The following AGBL1 variants were observed in gnomAD, a reference collection of about 807,000 sequenced individuals.
The protein encoded by AGBL1 is cytosolic carboxypeptidase 4.
In AGBL1, 130 loss-of-function variants were observed where a neutral mutation model predicts 118.9. That is an observed-to-expected ratio of 1.09 (90% CI 0.95 to 1.26). The LOEUF is 1.26. Among genes scored for constraint, AGBL1 ranks in the 50% most tolerant of loss-of-function variants. The pLI, the probability that AGBL1 is intolerant of heterozygous loss-of-function variation, is 0.00. For synonymous variants in AGBL1, 555 were observed against 478.9 expected (o/e 1.16, Z -2.08); for missense variants, 1,584 against 1,298.1 (o/e 1.22, Z -3.38).
intron 7 of AGBL1, 74 bp from the exon 8 acceptor site, chr15:86,256,779 G>C: frequency 2.0e-6 from 3 of 1,475,468 alleles, no homozygotes; most frequent in South Asian, 1.2e-5. Context: ...AGCTTGGAGA[G>C]TGTTATTAGC....
intron 21 of AGBL1, among the ~76,000 whole-genome samples, chr15:86,567,384 C>T (rs1397798733): frequency 6.6e-6 from 1 of 152,056 alleles, no homozygotes. Flanking sequence ...TGTCAAAATT[C>T]CTGTGCTGCC....
intron 17 of AGBL1, among the ~76,000 whole-genome samples, chr15:86,348,930 A>T (rs1348406201): frequency 6.6e-6 from 1 of 152,198 alleles, no homozygotes; most frequent in African/African-American, 2.4e-5. Context: ...CTGTAGATGT[A>T]ATCAAGATAA....
At chr15:86,175,570 G>A (rs987861985) in intron 5 of AGBL1, among the ~76,000 whole-genome samples, 1 of 151,570 alleles carries the variant, frequency 6.6e-6, no homozygotes, top group African/African-American at 2.4e-5. Context: ...TGCTTTTCTA[G>A]TTCCTTGAGG....
At chr15:86,387,068 G>T (rs1807445) in intron 17 of AGBL1, among the ~76,000 whole-genome samples, 12,286 of 152,154 alleles carry the variant, frequency 0.081, 519 homozygotes, top group East Asian at 0.15. Context: ...GCAGAAAGGG[G>T]GATGGAAGAG....
intron 21 of AGBL1, among the ~76,000 whole-genome samples, chr15:86,673,000 G>A (rs1001990807): frequency 6.6e-6 from 1 of 152,078 alleles, no homozygotes; most frequent in African/African-American, 2.4e-5. Flanking sequence ...GTGCTTATGA[G>A]CAATCCTTCT....
At chr15:86,653,712 T>A (rs1043300042) in intron 21 of AGBL1, among the ~76,000 whole-genome samples, 1 of 152,132 alleles carries the variant, frequency 6.6e-6, no homozygotes, top group African/African-American at 2.4e-5. Flanking sequence ...GCATATCAAG[T>A]ATGAGGAAGG....
At position 86,723,188 on chromosome 15, in the gene AGBL1, T is replaced by C. The variant is rs1241029401; in HGVS notation, c.3158+48752T>C. On this transcript the variant is annotated intron_variant, in intron 22 of 22. Transcript: ENST00000614907. ...CAAAGGATTATAAATCATGCTGTTA[T>C]AAAGACACATGCATACATATGTTTA... Among the ~76,000 whole-genome samples, 3 of 152,304 alleles carry C rather than the reference T, an allele frequency of 2.0e-5. No homozygotes were observed. In the East Asian group the frequency reaches 5.8e-4, roughly 29 times the overall value.
At chr15:86,151,138 C>G (rs1597461673) in intron 3 of AGBL1, among the ~76,000 whole-genome samples, 2 of 151,062 alleles carry the variant, frequency 1.3e-5, no homozygotes, top group African/African-American at 4.9e-5. Context: ...GAATATCACA[C>G]TCTGGGGACA....
intron 22 of AGBL1, among the ~76,000 whole-genome samples, chr15:86,751,573 T>C (rs934122210): frequency 2.0e-5 from 3 of 151,992 alleles, no homozygotes; most frequent in Non-Finnish European, 4.4e-5. Context: ...AAAGAAACTA[T>C]CAACAGAGCA....
chr15:86,376,023 G>A (rs943220657), intron 17 of AGBL1, among the ~76,000 whole-genome samples: 1 of 152,186 alleles, frequency 6.6e-6, no homozygotes, highest in African/African-American at 2.4e-5. Flanking sequence ...GATCTGAGTA[G>A]GCATTTATCT....
intron 22 of AGBL1, among the ~76,000 whole-genome samples, chr15:86,784,321 G>A (rs1482733161): frequency 1.3e-5 from 2 of 152,190 alleles, no homozygotes; most frequent in African/African-American, 4.8e-5. Context: ...AAGATAATTT[G>A]CTTTGTGAAC....
intron 21 of AGBL1, among the ~76,000 whole-genome samples, chr15:86,586,035 C>T (rs952518647): frequency 1.5e-4 from 23 of 152,212 alleles, no homozygotes; most frequent in African/African-American, 5.1e-4. Context: ...TGCTGCCTGT[C>T]GGCATGCCTC....
chr15:86,453,855 TATC>T (rs2082228217), intron 18 of AGBL1, among the ~76,000 whole-genome samples: 1 of 152,236 alleles, frequency 6.6e-6, no homozygotes, highest in South Asian at 2.1e-4. Context: ...ATTTTTAAAA[TATC>T]ATATTTTGTA....
chr15:87,004,712 T>C (rs992808109), intron 24 of AGBL1, among the ~76,000 whole-genome samples: 16 of 152,350 alleles, frequency 1.1e-4, no homozygotes, highest in Admixed American at 9.8e-4. Flanking sequence ...TTGTTATCTG[T>C]GAATTTGATC....
At chr15:86,971,426 A>T (rs1180914773) in intron 23 of AGBL1, among the ~76,000 whole-genome samples, 1 of 151,970 alleles carries the variant, frequency 6.6e-6, no homozygotes, top group African/African-American at 2.4e-5. Context: ...CTTGTTAATA[A>T]AGGTTACCAG....
chr15:86,883,902 C>T (rs1044650893), intron 22 of AGBL1, among the ~76,000 whole-genome samples: 1 of 152,138 alleles, frequency 6.6e-6, no homozygotes, highest in Non-Finnish European at 1.5e-5. Context: ...AATATGTATA[C>T]AGTAGTCCCT....
intron 1 of AGBL1, chr15:86,140,083 G>A (rs1387661632): frequency 3.2e-5 from 6 of 188,512 alleles, no homozygotes; most frequent in South Asian, 1.2e-4. Flanking sequence ...GGTATTCCCC[G>A]TGCATGTTGT....
intron 22 of AGBL1, among the ~76,000 whole-genome samples, chr15:86,772,707 A>AAGG (rs1273505847): frequency 6.6e-6 from 1 of 152,092 alleles, no homozygotes; most frequent in Non-Finnish European, 1.5e-5. Flanking sequence ...GGAGGAAATC[A>AAGG]AGGAGGTCAT....
chr15:86,380,260 T>C (rs377137165), intron 17 of AGBL1, among the ~76,000 whole-genome samples: 13 of 128,372 alleles, frequency 1.0e-4, no homozygotes, highest in East Asian at 2.4e-4. Flanking sequence ...TCCCTCCCTT[T>C]CTTCCTTCCT....
Sources: gnomAD v4.1 joint callset for allele counts (sites outside exome capture counted in the v4.1 genomes callset) on GRCh38, gnomAD v4.1.1 for gene constraint, MANE v1.5 for transcripts, NCBI Gene and HGNC (gene_info 2026-07-23, HGNC 2026-07-21) for gene names.